Variants in STARD3 observed in about 807,000 individuals in gnomAD.
STARD3 encodes the protein stAR-related lipid transfer protein 3.
A neutral mutation model predicts 62.0 loss-of-function variants in STARD3; 39 were observed. The observed-to-expected ratio is 0.63, with a 90% CI of 0.49 to 0.82. The LOEUF is 0.82. STARD3 is among the 40% of genes least tolerant of loss of function. The pLI is 0.00. For synonymous variants in STARD3, 229 were observed against 242.4 expected (o/e 0.94, Z 0.51); for missense variants, 543 against 584.5 (o/e 0.93, Z 0.73).
At chr17:39,645,881 CTTTTTTTTT>C (rs71147368) in intron 1 of STARD3, among the ~76,000 whole-genome samples, 4 of 55,616 alleles carry the variant, frequency 7.2e-5, no homozygotes, top group Admixed American at 2.0e-4. Flanking sequence ...GGATTCTTGC[CTTTTTTTTT>C]TTTTTTTTTT....
At chr17:39,644,603 A>G (rs1305922074) in intron 1 of STARD3, among the ~76,000 whole-genome samples, 9 of 147,204 alleles carry the variant, frequency 6.1e-5, no homozygotes, top group African/African-American at 2.3e-4. Flanking sequence ...TGGGAGGCCA[A>G]GGCGGGGAGA....
intron 1 of STARD3, among the ~76,000 whole-genome samples, chr17:39,640,275 G>A (rs576237870): frequency 6.6e-6 from 1 of 152,324 alleles, no homozygotes; most frequent in South Asian, 2.1e-4. Flanking sequence ...AGGTTCAGGG[G>A]AGGTAAGGTC....
At chr17:39,656,326 C>T (rs575557799) in intron 2 of STARD3, among the ~76,000 whole-genome samples, 1 of 152,284 alleles carries the variant, frequency 6.6e-6, no homozygotes, top group Non-Finnish European at 1.5e-5. Context: ...CCGTCACCCC[C>T]GTCATTCCAA....
intron 2 of STARD3, among the ~76,000 whole-genome samples, chr17:39,656,571 A>C (rs1304716462): frequency 6.6e-6 from 1 of 152,124 alleles, no homozygotes; most frequent in East Asian, 1.9e-4. Context: ...TCCGTCTGAC[A>C]CCACTGCCCA....
chr17:39,660,940 C>T lies in STARD3; in HGVS notation c.1035-41C>T, dbSNP rs2057190441. The T allele has an allele frequency of 6.2e-7, 1 of 1,611,204 alleles. No individual in the cohort carries two copies. The highest frequency in any genetic ancestry group is 8.5e-7 in the Non-Finnish European group (1 of 1,178,050). On this transcript the variant is annotated intron_variant, in intron 12 of 14. Coordinates refer to ENST00000336308, the MANE Select transcript of STARD3 (RefSeq NM_006804.4). The surrounding 1 kb of genome is among the most constrained non-coding windows in gnomAD (Gnocchi z 4.8). ...TTCAGCCAGGTCTTCTGCACTTTGG[C>T]CTTGGGTCATTGTCCCCTGAACTAA... is the stretch of plus-strand genomic sequence containing the variant.
Position 39,660,293 on chromosome 17 carries a change from G to A in STARD3, c.858+20G>A. ...CTGAAGGTGAGTGAGGGGAGCGGGT[G>A]TCCTGGAGCCCCAGACAGCACAGGA... On this transcript the variant is annotated intron_variant, in intron 10 of 14. Coordinates refer to ENST00000336308, the MANE Select transcript of STARD3 (RefSeq NM_006804.4). The surrounding 1 kb of genome is among the most constrained non-coding windows in gnomAD (Gnocchi z 4.8). 1 of 1,613,954 alleles carries A rather than the reference G, an allele frequency of 6.2e-7. No individual in the cohort carries two copies. Among genetic ancestry groups the A allele is most frequent in the Non-Finnish European group, 8.5e-7 (1 of 1,180,002 alleles).
At position 39,659,497 on chromosome 17, in the gene STARD3, G is replaced by A; in HGVS notation, c.739G>A (p.Ala247Thr). Residue 247 changes from alanine to threonine, a missense_variant, in exon 9 of 15, where the codon GCA becomes ACA. Ala to Thr is a moderately conservative substitution (Grantham distance 58, BLOSUM62 0). Transcript: ENST00000336308. ...EYIRQGKEATAVVDQILAQEE... is the reference protein window; with the variant it reads ...EYIRQGKEATTVVDQILAQEE... ...CATCCGCCAGGGGAAGGAGGCCACG[G>A]CAGTGGTGGACCAGATCTTGGCCCA... 1 of 1,614,160 alleles carries A rather than the reference G, an allele frequency of 6.2e-7. No individual in the cohort carries two copies. The highest frequency in any genetic ancestry group is 8.5e-7 in the Non-Finnish European group (1 of 1,180,028).
Position 39,653,669 on chromosome 17 carries a change from C to T in STARD3, c.138C>T (p.Ile46=). ...LLPPPEKRRA[I]SDVRRTFCLF... ...CGCCGCCTGAGAAGCGAAGGGCCAT[C>T]TCTGATGTCCGCCGCACCTTCTGTC... The change falls in exon 2 of 15, where the codon ATC becomes ATT. Residue 46 remains isoleucine (I), a synonymous_variant. Coordinates refer to ENST00000336308, the MANE Select transcript of STARD3 (RefSeq NM_006804.4). The T allele has an allele frequency of 1.2e-6, 2 of 1,614,218 alleles. No homozygotes were observed. Among genetic ancestry groups the T allele is most frequent in the Non-Finnish European group, 1.7e-6 (2 of 1,180,048 alleles).
chr17:39,660,747 G>A lies in STARD3; in HGVS notation c.955-63G>A. The A allele has an allele frequency of 6.5e-7, 1 of 1,528,032 alleles. No individual in the cohort carries two copies. The allele number at this position is 1,528,032 out of a possible 1,614,324, so 94.7% of individuals were successfully genotyped here. On this transcript the variant is annotated intron_variant, in intron 11 of 14. Transcript: ENST00000336308. This position sits in a 1 kb window ranked among gnomAD's most constrained non-coding sequence, Gnocchi z 4.8. ...AGCAGTTAGTAAAGGGGCCTGGGGT[G>A]TTCCCATCCCTGGGGTTTTCCTGGG...
At chr17:39,648,234 C>T (rs1278726723) in intron 1 of STARD3, among the ~76,000 whole-genome samples, 1 of 152,044 alleles carries the variant, frequency 6.6e-6, no homozygotes, top group African/African-American at 2.4e-5. Flanking sequence ...TTGCAGTGAG[C>T]CTAGATCGCG....
chr17:39,640,750 A>G (rs1210225027), intron 1 of STARD3, among the ~76,000 whole-genome samples: 1 of 152,184 alleles, frequency 6.6e-6, no homozygotes, highest in East Asian at 1.9e-4. Flanking sequence ...ACAAGGGGGA[A>G]GGGAGGGCAA....
At chr17:39,662,229 C>G in intron 13 of STARD3, 22 bp from the exon 14 acceptor site, 1 of 1,609,800 alleles carries the variant, frequency 6.2e-7, no homozygotes, top group South Asian at 1.1e-5. Flanking sequence ...CAAAGTCCCC[C>G]CAATGATGCC....
At position 39,659,052 on chromosome 17, in the gene STARD3, G is replaced by A. The variant is rs144713925; in HGVS notation, c.648G>A (p.Gly216=). The change falls in exon 8 of 15, where the codon GGG becomes GGA. Residue 216 remains glycine (G), a splice_region_variant and synonymous_variant. Coordinates refer to ENST00000336308, the MANE Select transcript of STARD3 (RefSeq NM_006804.4). The stretch of plus-strand genomic sequence containing the variant: ...GTCATCTGTGCCTGTTTTCTGCAGG[G>A]TCTGACAATGAATCAGATGAAGAAG... The part of the protein sequence containing the change: ...QFYSPPESFA[G]SDNESDEEVA... 7.9e-4 allele frequency: 1,271 copies of A among 1,614,190 alleles called. 1 individual carries two copies. The highest frequency in any genetic ancestry group is 1.3e-3 in the Admixed American group (78 of 60,022).
chr17:39,637,632 C>T (rs974735133), intron 1 of STARD3: 15 of 152,232 alleles, frequency 9.9e-5, no homozygotes, highest in African/African-American at 3.6e-4. Flanking sequence ...TCCCGTGTCT[C>T]CCCAACTTCC....
At chr17:39,639,157 T>C (rs1341646519) in intron 1 of STARD3, among the ~76,000 whole-genome samples, 2 of 152,240 alleles carry the variant, frequency 1.3e-5, no homozygotes, top group Admixed American at 6.5e-5. Flanking sequence ...GACAACATAG[T>C]TCACCAGTTA....
At chr17:39,658,944 A>G (rs956972914) in intron 7 of STARD3, 107 bp from the exon 8 acceptor site, 1 of 1,560,710 alleles carries the variant, frequency 6.4e-7, no homozygotes, top group South Asian at 1.1e-5. Flanking sequence ...ACCCTCTCCC[A>G]CACACTTTTA....
intron 1 of STARD3, among the ~76,000 whole-genome samples, chr17:39,640,167 G>T (rs970489009): frequency 6.6e-6 from 1 of 152,182 alleles, no homozygotes; most frequent in Non-Finnish European, 1.5e-5. Flanking sequence ...AAGGGAGAGC[G>T]GTGCGGGGGA....
Position 39,657,862 on chromosome 17 carries a change from C to T in STARD3, c.375+10C>T. ...CTGGTGGGTGATTGCGGTAAGATGCCACTTTCCTGGCAGCTTCTGGGCCCT... is the reference window on the plus strand; with the variant it reads ...CTGGTGGGTGATTGCGGTAAGATGCTACTTTCCTGGCAGCTTCTGGGCCCT... On this transcript the variant is annotated intron_variant, in intron 4 of 14. Transcript: ENST00000336308. The T allele has an allele frequency of 6.2e-7, 1 of 1,614,188 alleles. No homozygotes were observed. Among genetic ancestry groups the T allele is most frequent in the Non-Finnish European group, 8.5e-7 (1 of 1,180,030 alleles).
At chr17:39,650,478 TGGGAGA>T (rs1446521650) in intron 1 of STARD3, among the ~76,000 whole-genome samples, 4 of 151,688 alleles carry the variant, frequency 2.6e-5, no homozygotes, top group African/African-American at 7.3e-5. Context: ...ATGGCAGACA[TGGGAGA>T]GGGAGAGGGA....
Sources: allele counts gnomAD v4.1 joint callset (sites outside exome capture counted in the v4.1 genomes callset), GRCh38; gene constraint gnomAD v4.1.1; non-coding constraint Gnocchi (gnomAD v3.1); transcripts MANE v1.5; gene names NCBI Gene and HGNC (gene_info 2026-07-23, HGNC 2026-07-21).